The following EYS variants were observed in gnomAD, a reference collection of about 807,000 sequenced individuals.
The protein encoded by EYS is protein eyes shut homolog.
A neutral mutation model predicts 282.1 loss-of-function variants in EYS; 250 were observed. The observed-to-expected ratio is 0.89, with a 90% CI of 0.80 to 0.98. The LOEUF is 0.98. EYS is among the 50% of genes least tolerant of loss of function. The probability of loss-of-function intolerance (pLI) is 0.00; values close to 1 mark genes in which losing one functional copy is unlikely to be tolerated. For missense variants in EYS, 4,016 were observed against 3,709.0 expected (o/e 1.08, Z -2.15); for synonymous variants, 1,355 against 1,282.9 (o/e 1.06, Z -1.20).
chr6:65,557,455 A>C (rs952415096), intron 2 of EYS, among the ~76,000 whole-genome samples: 6 of 152,350 alleles, frequency 3.9e-5, no homozygotes, highest in African/African-American at 1.2e-4. Flanking sequence ...ACATGCCACA[A>C]GCAGTCTCTG....
chr6:64,398,832 A>C (rs1226300976), intron 28 of EYS, among the ~76,000 whole-genome samples: 1 of 151,842 alleles, frequency 6.6e-6, no homozygotes, highest in Non-Finnish European at 1.5e-5. Context: ...GATATTCCCT[A>C]TGTTAAGACT....
chr6:64,653,896 T>A (rs914779857), intron 22 of EYS, among the ~76,000 whole-genome samples: 2 of 152,102 alleles, frequency 1.3e-5, no homozygotes, highest in Admixed American at 1.3e-4. Context: ...TCATAATATG[T>A]GTTATTTCCA....
chr6:65,672,120 CAGAA>C (rs1768409990), intron 1 of EYS, among the ~76,000 whole-genome samples: 1 of 152,046 alleles, frequency 6.6e-6, no homozygotes, highest in African/African-American at 2.4e-5. Flanking sequence ...GTATAGCAGA[CAGAA>C]GCTGATTCAA....
At chr6:65,475,579 A>C (rs1435147538) in intron 5 of EYS, among the ~76,000 whole-genome samples, 1 of 152,174 alleles carries the variant, frequency 6.6e-6, no homozygotes, top group African/African-American at 2.4e-5. Context: ...AATTCTGAAA[A>C]GTATAAGAAG....
At chr6:65,374,996 G>C (rs1765306372) in intron 8 of EYS, among the ~76,000 whole-genome samples, 1 of 152,160 alleles carries the variant, frequency 6.6e-6, no homozygotes, top group Non-Finnish European at 1.5e-5. Flanking sequence ...GCTCTGAAAA[G>C]AGCAGTGGAT....
chr6:64,789,634 T>C (rs1186454553), intron 22 of EYS, among the ~76,000 whole-genome samples: 1 of 152,140 alleles, frequency 6.6e-6, no homozygotes, highest in Non-Finnish European at 1.5e-5. Context: ...TTATCCAAAA[T>C]TATCATTATC....
At chr6:64,517,183 G>A (rs982204466) in intron 26 of EYS, among the ~76,000 whole-genome samples, 2 of 151,764 alleles carry the variant, frequency 1.3e-5, no homozygotes, top group Non-Finnish European at 2.9e-5. Context: ...GTAATGAGCA[G>A]ATAGGGCCAA....
intron 32 of EYS, among the ~76,000 whole-genome samples, chr6:64,069,421 T>C (rs1209686402): frequency 6.6e-6 from 1 of 152,076 alleles, no homozygotes; most frequent in Non-Finnish European, 1.5e-5. Flanking sequence ...CTATTGTTTT[T>C]ATCAGTATAT....
At chr6:65,129,296 C>A (rs1321680640) in intron 12 of EYS, among the ~76,000 whole-genome samples, 1 of 151,926 alleles carries the variant, frequency 6.6e-6, no homozygotes, top group African/African-American at 2.4e-5. Context: ...AACGCAACTG[C>A]AACAACAACA....
intron 31 of EYS, among the ~76,000 whole-genome samples, chr6:64,090,154 A>G (rs1186370266): frequency 1.3e-5 from 2 of 152,086 alleles, no homozygotes; most frequent in African/African-American, 4.8e-5. Flanking sequence ...AAAACTATCA[A>G]TATTTCTCAT....
chr6:64,389,192 A>T (rs1296749154), intron 28 of EYS, among the ~76,000 whole-genome samples: 1 of 152,230 alleles, frequency 6.6e-6, no homozygotes, highest in Non-Finnish European at 1.5e-5. Context: ...TATTAAAAAG[A>T]ATCAAATTTC....
rs972517907 is a variant in EYS, at chr6:64,418,127, C to T, written c.5927+18047G>A. On this transcript the variant is annotated intron_variant, in intron 28 of 42. Transcript: ENST00000503581. ...ACCACAGGGTGGGGCTAATAGTTCC[C>T]TACCCAACTCTTCCTATTATCTCCA... Among the ~76,000 whole-genome samples, 4 of 152,130 alleles carry T rather than the reference C, an allele frequency of 2.6e-5. No homozygotes were observed. The South Asian group carries it at 8.3e-4, about 32-fold the overall frequency.
chr6:64,274,479 C>A (rs1416732670), intron 30 of EYS, among the ~76,000 whole-genome samples: 1 of 41,650 alleles, frequency 2.4e-5, no homozygotes, highest in African/African-American at 1.5e-4. Context: ...CCACGCCTGG[C>A]CGTTTTTTTT....
chr6:64,592,496 T>C (rs1337683196), intron 25 of EYS, among the ~76,000 whole-genome samples: 2 of 152,168 alleles, frequency 1.3e-5, no homozygotes, highest in South Asian at 2.1e-4. Flanking sequence ...GAATACCCAA[T>C]AGCCTTCAAA....
intron 22 of EYS, among the ~76,000 whole-genome samples, chr6:64,664,871 C>G (rs1769173610): frequency 6.6e-6 from 1 of 152,112 alleles, no homozygotes; most frequent in Non-Finnish European, 1.5e-5. Flanking sequence ...TACAAGCCGT[C>G]CAGTTTAAGG....
At chr6:65,328,581 G>T (rs1769688028) in intron 11 of EYS, among the ~76,000 whole-genome samples, 1 of 150,266 alleles carries the variant, frequency 6.7e-6, no homozygotes, top group African/African-American at 2.4e-5. Context: ...AAATCAAATT[G>T]GACTAAAATA....
At chr6:64,112,667 G>A (rs1773244868) in intron 31 of EYS, among the ~76,000 whole-genome samples, 1 of 150,626 alleles carries the variant, frequency 6.6e-6, no homozygotes, top group Admixed American at 6.6e-5. Flanking sequence ...CATTCAAATG[G>A]TTTTTGACAT....
intron 2 of EYS, among the ~76,000 whole-genome samples, chr6:65,496,278 G>T (rs1239065525): frequency 6.6e-6 from 1 of 151,960 alleles, no homozygotes; most frequent in Non-Finnish European, 1.5e-5. Context: ...ATAAATATAA[G>T]TTAAATGGTA....
intron 22 of EYS, among the ~76,000 whole-genome samples, chr6:64,772,116 A>C (rs555236521): frequency 6.6e-6 from 1 of 151,802 alleles, no homozygotes; most frequent in East Asian, 1.9e-4. Context: ...ATTTTATAAA[A>C]ATATATCTTT....
Sources: allele counts gnomAD v4.1 joint callset (sites outside exome capture counted in the v4.1 genomes callset), GRCh38; gene constraint gnomAD v4.1.1; transcripts MANE v1.5; gene names NCBI Gene and HGNC (gene_info 2026-07-23, HGNC 2026-07-21).